Variants in TBC1D8 observed in about 807,000 individuals in gnomAD.
TBC1D8 encodes TBC1 domain family member 8.
A neutral mutation model predicts 118.8 loss-of-function variants in TBC1D8; 65 were observed. The observed-to-expected ratio is 0.55, with a 90% confidence interval of 0.45 to 0.67. The LOEUF (loss-of-function observed/expected upper bound fraction) is 0.67, where lower values mean the gene tolerates loss of function less well. TBC1D8 is among the 30% of genes least tolerant of loss of function. TBC1D8 has a pLI of 0.00. For synonymous variants in TBC1D8, 566 were observed against 595.8 expected, an observed-to-expected ratio of 0.95 and a Z score of 0.73; for missense variants, 1,376 against 1,471.2, an observed-to-expected ratio of 0.94 and a Z score of 1.06.
rs773209951 is a variant in TBC1D8, at chr2:101,038,689, C to T, written c.1081-34G>A. The T allele has an allele frequency of 2.6e-5, 42 of 1,608,560 alleles. No individual in the cohort carries two copies. The South Asian group carries it at 4.0e-4, about 15-fold the overall frequency. Reference sequence around the variant, plus strand: ...GAGGCAACATGCAGGGACAGAAGGGCGGGAGGAAGGTAGGCATGTTATTAC... The same window carrying T: ...GAGGCAACATGCAGGGACAGAAGGGTGGGAGGAAGGTAGGCATGTTATTAC... On this transcript the variant is annotated intron_variant, in intron 6 of 19. Transcript: ENST00000409318.
chr2:101,061,187 C>CAAAAA (rs397785120), intron 2 of TBC1D8, among the ~76,000 whole-genome samples: 3 of 52,504 alleles, frequency 5.7e-5, no homozygotes, highest in South Asian at 1.1e-3. Context: ...GACTCTGTCT[C>CAAAAA]AAAAAAAAAA....
At position 101,007,885 on chromosome 2, in the gene TBC1D8, T is replaced by C; in HGVS notation, c.3404A>G (p.Tyr1135Cys). 1 of 1,614,054 alleles carries C rather than the reference T, an allele frequency of 6.2e-7. No individual in the cohort carries two copies. Among genetic ancestry groups the C allele is most frequent in the Non-Finnish European group, 8.5e-7 (1 of 1,179,894 alleles). The change falls in exon 20 of 20, where the codon TAC becomes TGC. Residue 1135 changes from tyrosine to cysteine, a missense_variant. Physicochemically the swap from Tyr to Cys is radical, Grantham distance 194. Transcript: ENST00000409318. ...SKLENAKINQ[Y>C]NLKTFEMSHQ... is the part of the protein sequence containing the mutation. ...GCTCATTTCAAAAGTTTTGAGATTG[T>C]ACTGATTGATCTTGGCATTTTCAAG...
At position 101,036,142 on chromosome 2, in the gene TBC1D8, C is replaced by T. The variant is rs1224263117; in HGVS notation, c.1479G>A (p.Leu493=). 2 of 1,613,824 alleles carry T rather than the reference C, an allele frequency of 1.2e-6. No homozygotes were observed. Among genetic ancestry groups the T allele is most frequent in the African/African-American group, 1.3e-5 (1 of 74,900 alleles). The part of the protein sequence containing the change: ...RMSREQIKIS[L]WNDHFVEYGR... ...CGTATTCCACAAAGTGGTCATTCCA[C>T]AGGCTTATTTTTATCTGTTCTCTGG... The change falls in exon 9 of 20, where the codon CTG becomes CTA. Residue 493 remains leucine (L), a synonymous_variant. Coordinates refer to ENST00000409318, the MANE Select transcript of TBC1D8 (RefSeq NM_001330348.2).
At chr2:101,058,444 T>TATG (rs942608834) in intron 3 of TBC1D8, among the ~76,000 whole-genome samples, 2 of 152,204 alleles carry the variant, frequency 1.3e-5, no homozygotes, top group Non-Finnish European at 2.9e-5. Context: ...AGGAAAACTG[T>TATG]ATCATACGCT....
intron 2 of TBC1D8, among the ~76,000 whole-genome samples, chr2:101,060,185 A>G (rs1182608903): frequency 6.6e-6 from 1 of 152,226 alleles, no homozygotes; most frequent in African/African-American, 2.4e-5. Flanking sequence ...AAACATTTCT[A>G]ATGATTCAGC....
chr2:101,129,488 C>T (rs1678492837), intron 1 of TBC1D8, among the ~76,000 whole-genome samples: 1 of 152,098 alleles, frequency 6.6e-6, no homozygotes, highest in South Asian at 2.1e-4. Flanking sequence ...ATTAAACAAA[C>T]AAACAAGCAT....
At chr2:101,058,406 G>A (rs182583217) in intron 3 of TBC1D8, among the ~76,000 whole-genome samples, 13 of 152,298 alleles carry the variant, frequency 8.5e-5, no homozygotes, top group Admixed American at 5.9e-4. Context: ...AAACAAAATC[G>A]AAGGGCTAGG....
intron 1 of TBC1D8, among the ~76,000 whole-genome samples, chr2:101,093,074 C>T (rs1676146237): frequency 1.3e-5 from 2 of 152,168 alleles, no homozygotes. Flanking sequence ...ATGATCCCTT[C>T]CACTTAATGA....
intron 15 of TBC1D8, chr2:101,023,652 T>C: frequency 2.3e-6 from 1 of 428,784 alleles, no homozygotes; most frequent in African/African-American, 2.1e-5. Context: ...GTTGAAGTCT[T>C]GGGAATAGAC....
chr2:101,118,379 T>A (rs1677925653), intron 1 of TBC1D8, among the ~76,000 whole-genome samples: 1 of 152,290 alleles, frequency 6.6e-6, no homozygotes, highest in East Asian at 1.9e-4. Flanking sequence ...GACAATATGA[T>A]CTTCTATCTA....
At chr2:101,023,697 C>G (rs370848430) in intron 15 of TBC1D8, 10 of 400,554 alleles carry the variant, frequency 2.5e-5, no homozygotes, top group African/African-American at 2.2e-4. Flanking sequence ...TCGCTGAGGA[C>G]CAGGTGAGCC....
At chr2:101,019,535 T>G (rs1449738219) in intron 17 of TBC1D8, 1 of 152,976 alleles carries the variant, frequency 6.5e-6, no homozygotes, top group African/African-American at 2.4e-5. Context: ...TTTAACTGCA[T>G]CAAAAATTCA....
chr2:101,011,120 G>A, intron 18 of TBC1D8, 94 bp from the exon 19 acceptor site: 2 of 1,184,144 alleles, frequency 1.7e-6, no homozygotes, highest in Admixed American at 2.0e-5. Flanking sequence ...AAGGGGGTGA[G>A]GAATTCCACT....
At position 101,151,164 on chromosome 2, in the gene TBC1D8, C is replaced by G; in HGVS notation, c.90G>C (p.Arg30=). ...CGCCCCCCTCGCCGTGCCCGCGGCG[C>G]CGCTGCAGGATGAAGTAGCAGCTGC... The part of the protein sequence containing the change: ...QKSSCYFILQ[R]RRGHGEGGGR... The change falls in exon 1 of 20, where the codon CGG becomes CGC. Residue 30 remains arginine, a synonymous_variant. Coordinates refer to ENST00000409318, the MANE Select transcript of TBC1D8 (RefSeq NM_001330348.2). 8.2e-7 allele frequency: 1 copy of G among 1,226,042 alleles called. No homozygotes were observed. Among genetic ancestry groups the G allele is most frequent in the Non-Finnish European group, 1.0e-6 (1 of 957,380 alleles). The allele number at this position is 1,226,042 out of a possible 1,614,324, so 75.9% of individuals were successfully genotyped here.
rs78158147 is a variant in TBC1D8, at chr2:101,066,642, T to C, written c.284-7103A>G. Among the ~76,000 whole-genome samples, 517 of 152,222 alleles carry C rather than the reference T, an allele frequency of 3.4e-3. 3 individuals carry two copies. The highest frequency in any genetic ancestry group is 0.01 in the Middle Eastern group (3 of 294). On this transcript the variant is annotated intron_variant, in intron 2 of 19. Coordinates refer to ENST00000409318, the MANE Select transcript of TBC1D8 (RefSeq NM_001330348.2). ...ACAATAAAGTAAGTCACACAAATGT[T>C]TTGCCTTCCCAGTGCATATACTGGC...
intron 2 of TBC1D8, among the ~76,000 whole-genome samples, chr2:101,074,559 G>C (rs1010314914): frequency 6.6e-6 from 1 of 152,166 alleles, no homozygotes; most frequent in African/African-American, 2.4e-5. Flanking sequence ...AATAGAAGGA[G>C]GTACACCTGT....
chr2:101,116,000 T>C (rs1032444956), intron 1 of TBC1D8, among the ~76,000 whole-genome samples: 4 of 152,194 alleles, frequency 2.6e-5, no homozygotes, highest in African/African-American at 7.2e-5. Flanking sequence ...TGCTGATTAT[T>C]ACCAAAGCTC....
At chr2:101,027,591 C>T (rs1254166884) in intron 14 of TBC1D8, 140 bp from the exon 15 acceptor site, 13 of 702,092 alleles carry the variant, frequency 1.9e-5, no homozygotes. Context: ...TCTTTTCTGA[C>T]ATAAAGATCA....
At chr2:101,065,171 C>T (rs1682950275) in intron 2 of TBC1D8, among the ~76,000 whole-genome samples, 1 of 152,240 alleles carries the variant, frequency 6.6e-6, no homozygotes. Context: ...CTGCTTCTCT[C>T]TGCACAGTAA....
Sources: allele counts gnomAD v4.1 joint callset (sites outside exome capture counted in the v4.1 genomes callset), GRCh38; gene constraint gnomAD v4.1.1; transcripts MANE v1.5; gene names NCBI Gene and HGNC (gene_info 2026-07-23, HGNC 2026-07-21).